Variants in DRG1 observed in about 807,000 individuals in gnomAD.
DRG1 encodes developmentally-regulated GTP-binding protein 1.
DRG1 carries 19 observed loss-of-function variants against 38.8 expected under a neutral mutation model. That is an observed-to-expected ratio of 0.49 (90% CI 0.34 to 0.72). The LOEUF (loss-of-function observed/expected upper bound fraction) is 0.72, where lower values mean the gene tolerates loss of function less well. Among genes scored for constraint, DRG1 ranks in the 30% least tolerant of loss-of-function variants. The pLI, the probability that DRG1 is intolerant of heterozygous loss-of-function variation, is 0.01. For synonymous variants in DRG1, 167 were observed against 157.5 expected, an observed-to-expected ratio of 1.06 and a Z score of -0.45; for missense variants, 299 against 444.8, an observed-to-expected ratio of 0.67 and a Z score of 2.95.
chr22:31,414,943 C>T (rs1179527068), intron 4 of DRG1, among the ~76,000 whole-genome samples: 3 of 151,934 alleles, frequency 2.0e-5, no homozygotes, highest in African/African-American at 7.2e-5. Flanking sequence ...ATCATACCCG[C>T]TAATTTTTTA....
At chr22:31,418,939 C>G (rs1369078279) in intron 4 of DRG1, among the ~76,000 whole-genome samples, 2 of 152,094 alleles carry the variant, frequency 1.3e-5, no homozygotes, top group Non-Finnish European at 2.9e-5. Context: ...CCTCAGCGTC[C>G]CGAACTGCTG....
At chr22:31,428,577 CAAA>C (rs2050123542) in intron 8 of DRG1, among the ~76,000 whole-genome samples, 1 of 152,180 alleles carries the variant, frequency 6.6e-6, no homozygotes, top group South Asian at 2.1e-4. Context: ...ATAAAATTAT[CAAA>C]AACAGGAAAT....
intron 6 of DRG1, among the ~76,000 whole-genome samples, chr22:31,424,225 T>C (rs1479254605): frequency 6.6e-6 from 1 of 151,542 alleles, no homozygotes; most frequent in Admixed American, 6.6e-5. Flanking sequence ...CTCAGCTCAC[T>C]GTAACCTCCT....
chr22:31,407,180 T>C (rs539236734), intron 3 of DRG1, among the ~76,000 whole-genome samples: 1 of 152,332 alleles, frequency 6.6e-6, no homozygotes, highest in South Asian at 2.1e-4. Context: ...TATGGTTGTG[T>C]CTGTAGGGTT....
intron 4 of DRG1, among the ~76,000 whole-genome samples, chr22:31,418,788 TCTC>T (rs1243532508): frequency 6.6e-6 from 1 of 152,174 alleles, no homozygotes; most frequent in African/African-American, 2.4e-5. Context: ...TTTAAGAGAT[TCTC>T]CTGCCTCAGC....
intron 8 of DRG1, 82 bp from the exon 9 acceptor site, chr22:31,433,790 G>C: frequency 8.1e-7 from 1 of 1,236,682 alleles, no homozygotes; most frequent in Admixed American, 1.8e-5. Flanking sequence ...TACTAAATCT[G>C]AGCAGAAGGG....
rs75065416 is a variant in DRG1 at position 31,404,190 on chromosome 22, T to C, written c.342+986T>C. Among the ~76,000 whole-genome samples the C allele has an allele frequency of 4.5e-3, 680 of 151,904 alleles. 2 individuals are homozygous for C. Among genetic ancestry groups the C allele is most frequent in the African/African-American group, 0.015 (639 of 41,458 alleles). On this transcript the variant is annotated intron_variant, in intron 3 of 8. Transcript: ENST00000331457. ...TCCTCTGCCTCTGTTTTTCATCCTC[T>C]TTTGGCTTTCTCCAGAAACTAAGTT...
intron 4 of DRG1, 147 bp from the exon 5 acceptor site, chr22:31,420,109 C>A: frequency 1.3e-6 from 1 of 797,098 alleles, no homozygotes; most frequent in Non-Finnish European, 1.9e-6. Context: ...TCTTCTGTAG[C>A]TATAAGAACT....
chr22:31,401,796 G>A (rs1425575808), intron 2 of DRG1, among the ~76,000 whole-genome samples: 1 of 151,986 alleles, frequency 6.6e-6, no homozygotes, highest in Non-Finnish European at 1.5e-5. Flanking sequence ...GCTCACTCCT[G>A]TAATCCCAGC....
chr22:31,401,849 G>A (rs542522329), intron 2 of DRG1, among the ~76,000 whole-genome samples: 16 of 151,676 alleles, frequency 1.1e-4, no homozygotes, highest in African/African-American at 2.9e-4. Flanking sequence ...TCAGGAGTTC[G>A]AGACTAGCCT....
intron 8 of DRG1, among the ~76,000 whole-genome samples, chr22:31,431,032 C>G (rs1272175498): frequency 3.4e-4 from 18 of 52,998 alleles, no homozygotes; most frequent in South Asian, 8.8e-4. Flanking sequence ...CCCCCCCCCC[C>G]CGCTTTTTTT....
chr22:31,432,137 C>T (rs769879964), intron 8 of DRG1, among the ~76,000 whole-genome samples: 5 of 150,748 alleles, frequency 3.3e-5, no homozygotes, highest in African/African-American at 4.9e-5. Flanking sequence ...AGTCCAGTGG[C>T]GTAATCGTGG....
chr22:31,404,690 C>T (rs763029743), intron 3 of DRG1, among the ~76,000 whole-genome samples: 12 of 152,166 alleles, frequency 7.9e-5, no homozygotes, highest in Non-Finnish European at 1.5e-4. Flanking sequence ...GGCATGATCT[C>T]GGCTCACTGC....
chr22:31,410,238 C>G (rs562840171), intron 3 of DRG1, among the ~76,000 whole-genome samples: 4 of 151,974 alleles, frequency 2.6e-5, no homozygotes, highest in Non-Finnish European at 4.4e-5. Flanking sequence ...GGGCAGATCT[C>G]GAGTTCAGGA....
intron 3 of DRG1, among the ~76,000 whole-genome samples, chr22:31,403,977 CTTTTTTTT>C (rs11295429): frequency 7.3e-5 from 6 of 81,804 alleles, no homozygotes; most frequent in South Asian, 5.0e-4. Flanking sequence ...AAGAGAATAA[CTTTTTTTT>C]TTTTTTTTTT....
chr22:31,402,267 G>C (rs917512069), intron 2 of DRG1, among the ~76,000 whole-genome samples: 2 of 151,842 alleles, frequency 1.3e-5, no homozygotes, highest in Admixed American at 1.3e-4. Context: ...ATTTGACTCT[G>C]AACTTGTTGG....
At chr22:31,427,329 T>G (rs1232220811) in intron 8 of DRG1, 147 bp downstream of exon 8, 1 of 1,111,766 alleles carries the variant, frequency 9.0e-7, no homozygotes, top group Non-Finnish European at 1.2e-6. Context: ...AGTGTCTTCT[T>G]AAAACCGTGC....
Position 31,426,845 on chromosome 22 carries a change from CT to C in DRG1, c.881+66del, listed in dbSNP as rs753547454. 1.6e-4 allele frequency: 242 copies of C among 1,553,048 alleles called. 1 individual carries two copies. The highest frequency in any genetic ancestry group is 2.1e-4 in the Non-Finnish European group (237 of 1,151,720). ...TTAACCAGACTGTCCTAAAATGATA[CT>C]TTCTGGAGCTCATTAACAAAATCTG... On this transcript the variant is annotated intron_variant, in intron 7 of 8. Transcript: ENST00000331457.
intron 5 of DRG1, among the ~76,000 whole-genome samples, chr22:31,423,073 G>C (rs968015022): frequency 1.3e-5 from 2 of 152,094 alleles, no homozygotes; most frequent in Non-Finnish European, 2.9e-5. Flanking sequence ...ATTTGGTGGG[G>C]GAAGGAGGAA....
Sources: gnomAD v4.1 joint callset for allele counts (sites outside exome capture counted in the v4.1 genomes callset) on GRCh38, gnomAD v4.1.1 for gene constraint, MANE v1.5 for transcripts, NCBI Gene and HGNC (gene_info 2026-07-23, HGNC 2026-07-21) for gene names.